CIMIP6: variants seen among roughly 807,000 people sequenced by gnomAD.
CIMIP6 encodes the protein uncharacterized protein C2orf73.
the CIMIP6 span, among the ~76,000 whole-genome samples, chr2:54,378,944 T>G: frequency 7.2e-4 from 109 of 152,318 alleles, no homozygotes; most frequent in Non-Finnish European, 9.6e-4. Flanking sequence ...CATCTTTGGT[T>G]TTTGAGGGCA....
the CIMIP6 span, among the ~76,000 whole-genome samples, chr2:54,346,439 A>C: frequency 2.6e-5 from 4 of 152,200 alleles, no homozygotes; most frequent in Non-Finnish European, 5.9e-5. Flanking sequence ...CTTCAAGTTC[A>C]CATATCCAAA....
the CIMIP6 span, among the ~76,000 whole-genome samples, chr2:54,379,376 T>C: frequency 1.3e-5 from 2 of 152,226 alleles, no homozygotes; most frequent in African/African-American, 4.8e-5. Flanking sequence ...TAGTGTTTCA[T>C]AATGTGTGGT....
chr2:54,375,638 CAA>C, the CIMIP6 span, among the ~76,000 whole-genome samples: 1 of 152,110 alleles, frequency 6.6e-6, no homozygotes, highest in Non-Finnish European at 1.5e-5. Context: ...TACAAGAAAA[CAA>C]GAGCATATTT....
the CIMIP6 span, among the ~76,000 whole-genome samples, chr2:54,351,105 A>G: frequency 6.6e-6 from 1 of 152,260 alleles, no homozygotes; most frequent in African/African-American, 2.4e-5. Context: ...TAAAATAAGA[A>G]CAGCATCTTT....
chr2:54,341,431 A>G, the CIMIP6 span, among the ~76,000 whole-genome samples: 1 of 152,200 alleles, frequency 6.6e-6, no homozygotes, highest in South Asian at 2.1e-4. Flanking sequence ...TGGACTTCCC[A>G]GCCTACAGAA....
chr2:54,351,489 C>CT, the CIMIP6 span, among the ~76,000 whole-genome samples: 1 of 152,112 alleles, frequency 6.6e-6, no homozygotes, highest in African/African-American at 2.4e-5. Flanking sequence ...ATGGATGGAG[C>CT]TGGAGGCCAT....
chr2:54,334,899 A>G, the CIMIP6 span: 4 of 1,573,240 alleles, frequency 2.5e-6, no homozygotes, highest in Non-Finnish European at 3.5e-6. Flanking sequence ...TGGAAAAAGC[A>G]TACATCATTC....
At chr2:54,345,594 C>T in the CIMIP6 span, among the ~76,000 whole-genome samples, 1 of 152,158 alleles carries the variant, frequency 6.6e-6, no homozygotes, top group African/African-American at 2.4e-5. Context: ...TTCTGAACTC[C>T]TTTGAAAGCA....
the CIMIP6 span, chr2:54,331,074 C>G: frequency 6.8e-7 from 1 of 1,478,168 alleles, no homozygotes; most frequent in South Asian, 1.2e-5. Flanking sequence ...AGGCCGGGAT[C>G]CAGCATGGAC....
the CIMIP6 span, among the ~76,000 whole-genome samples, chr2:54,381,468 C>A: frequency 2.6e-5 from 4 of 152,176 alleles, no homozygotes; most frequent in Non-Finnish European, 5.9e-5. Context: ...TTCTTAATAC[C>A]CCTTACAGGG....
At chr2:54,360,603 G>A in the CIMIP6 span, 7 of 1,433,506 alleles carry the variant, frequency 4.9e-6, no homozygotes, top group African/African-American at 7.2e-5. Flanking sequence ...TGGAATATAG[G>A]GAAATTTCAC....
chr2:54,378,287 T>C, the CIMIP6 span, among the ~76,000 whole-genome samples: 1 of 152,224 alleles, frequency 6.6e-6, no homozygotes, highest in Non-Finnish European at 1.5e-5. Context: ...CAACGCAGGA[T>C]AACCAGTGCT....
chr2:54,368,646 A>T, the CIMIP6 span, among the ~76,000 whole-genome samples: 1 of 152,214 alleles, frequency 6.6e-6, no homozygotes, highest in Non-Finnish European at 1.5e-5. Flanking sequence ...CTTGGGCCAC[A>T]TGGCATCTGC....
the CIMIP6 span, chr2:54,334,923 G>A: frequency 6.3e-7 from 1 of 1,590,394 alleles, no homozygotes. Context: ...ATCACATGTT[G>A]GAAGAGGACG....
chr2:54,337,421 G>T, the CIMIP6 span, among the ~76,000 whole-genome samples: 1 of 152,058 alleles, frequency 6.6e-6, no homozygotes, highest in Non-Finnish European at 1.5e-5. Flanking sequence ...AATTGTTATT[G>T]TTAGACCAGA....
the CIMIP6 span, among the ~76,000 whole-genome samples, chr2:54,331,180 C>T: frequency 6.6e-6 from 1 of 152,204 alleles, no homozygotes; most frequent in African/African-American, 2.4e-5. Context: ...GTTTACTGAG[C>T]ACATACTGTG....
At chr2:54,335,423 T>C in the CIMIP6 span, among the ~76,000 whole-genome samples, 2 of 152,248 alleles carry the variant, frequency 1.3e-5, no homozygotes, top group Middle Eastern at 6.3e-3. Flanking sequence ...AAGTGTTTTA[T>C]ATAAATTATA....
At chr2:54,353,988 C>T in the CIMIP6 span, among the ~76,000 whole-genome samples, 2 of 151,974 alleles carry the variant, frequency 1.3e-5, no homozygotes, top group Non-Finnish European at 2.9e-5. Context: ...ATACTTTTAC[C>T]TTCCATAATT....
the CIMIP6 span, among the ~76,000 whole-genome samples, chr2:54,352,642 T>G: frequency 6.6e-6 from 1 of 152,182 alleles, no homozygotes; most frequent in Non-Finnish European, 1.5e-5. Context: ...CATCCCTCAG[T>G]AACCAGGGGA....
Sources: allele counts gnomAD v4.1 joint callset (sites outside exome capture counted in the v4.1 genomes callset), GRCh38; gene constraint gnomAD v4.1.1; transcripts MANE v1.5; gene names NCBI Gene and HGNC (gene_info 2026-07-23, HGNC 2026-07-21).